CNTNAP2: variants seen among roughly 807,000 people sequenced by gnomAD.
CNTNAP2 encodes the protein contactin associated protein 2, also known as contactin-associated protein-like 2.
A neutral mutation model predicts 155.2 loss-of-function variants in CNTNAP2; 98 were observed. The observed-to-expected ratio is 0.63, with a 90% CI of 0.54 to 0.75. CNTNAP2 has a LOEUF of 0.75. Among genes scored for constraint, CNTNAP2 ranks in the 30% least tolerant of loss-of-function variants. The probability of loss-of-function intolerance (pLI) is 0.00; values close to 1 mark genes in which losing one functional copy is unlikely to be tolerated. For missense variants in CNTNAP2, 1,727 were observed against 1,688.1 expected (o/e 1.02, Z -0.40); for synonymous variants, 651 against 631.2 (o/e 1.03, Z -0.47).
At chr7:147,118,528 G>T (rs1200641767) in intron 5 of CNTNAP2, among the ~76,000 whole-genome samples, 1 of 152,266 alleles carries the variant, frequency 6.6e-6, no homozygotes, top group East Asian at 1.9e-4. Flanking sequence ...GCAGTCATGT[G>T]TCACTTTAAA....
chr7:146,391,750 TTTGTTGTTG>T (rs148790995), intron 1 of CNTNAP2, among the ~76,000 whole-genome samples: 14 of 116,766 alleles, frequency 1.2e-4, no homozygotes, highest in Non-Finnish European at 2.4e-4. Context: ...GAACACGGTT[TTTGTTGTTG>T]TTGTTGTTGT....
At chr7:147,359,881 C>T (rs1796118516) in intron 9 of CNTNAP2, among the ~76,000 whole-genome samples, 1 of 152,076 alleles carries the variant, frequency 6.6e-6, no homozygotes, top group Admixed American at 6.6e-5. Flanking sequence ...AAACTCTTAC[C>T]TCTCCTAATA....
At chr7:146,293,064 C>T (rs1800457343) in intron 1 of CNTNAP2, among the ~76,000 whole-genome samples, 2 of 151,982 alleles carry the variant, frequency 1.3e-5, no homozygotes, top group Non-Finnish European at 1.5e-5. Flanking sequence ...TTTAATTATT[C>T]AATATTGTAT....
intron 3 of CNTNAP2, among the ~76,000 whole-genome samples, chr7:146,882,487 T>C (rs1440091140): frequency 7.9e-5 from 12 of 152,002 alleles, no homozygotes; most frequent in Admixed American, 7.9e-4. Context: ...CGACATCTGA[T>C]GGTTTTATAA....
At chr7:146,466,836 C>A (rs1218296288) in intron 1 of CNTNAP2, among the ~76,000 whole-genome samples, 1 of 152,030 alleles carries the variant, frequency 6.6e-6, no homozygotes, top group Non-Finnish European at 1.5e-5. Context: ...CTAAAATATC[C>A]CTACTTAATA....
chr7:146,933,280 G>T (rs1796823699), intron 3 of CNTNAP2, among the ~76,000 whole-genome samples: 1 of 152,024 alleles, frequency 6.6e-6, no homozygotes, highest in Admixed American at 6.6e-5. Flanking sequence ...CAGAAATAAT[G>T]TCGCATATCT....
intron 10 of CNTNAP2, among the ~76,000 whole-genome samples, chr7:147,406,712 AG>A (rs572324812): frequency 1.2e-4 from 18 of 152,226 alleles, no homozygotes; most frequent in Non-Finnish European, 2.5e-4. Context: ...ATGTTACATG[AG>A]TAAGAAAGGA....
At chr7:146,248,151 G>A (rs998501870) in intron 1 of CNTNAP2, among the ~76,000 whole-genome samples, 19 of 151,770 alleles carry the variant, frequency 1.3e-4, no homozygotes, top group Non-Finnish European at 1.9e-4. Flanking sequence ...GGATCAGGGC[G>A]CAGAGATATA....
intron 13 of CNTNAP2, among the ~76,000 whole-genome samples, chr7:147,743,615 G>A (rs556930802): frequency 1.3e-5 from 2 of 152,114 alleles, no homozygotes; most frequent in Admixed American, 6.5e-5. Flanking sequence ...GCTTTATTCC[G>A]GTTGCCTTGA....
intron 3 of CNTNAP2, among the ~76,000 whole-genome samples, chr7:146,982,270 C>T (rs1015849085): frequency 2.0e-5 from 3 of 152,054 alleles, no homozygotes; most frequent in African/African-American, 7.2e-5. Flanking sequence ...TCTACATACT[C>T]ATTTAGGGTG....
chr7:146,661,264 C>CTA (rs1800082221), intron 1 of CNTNAP2, among the ~76,000 whole-genome samples: 1 of 152,062 alleles, frequency 6.6e-6, no homozygotes, highest in African/African-American at 2.4e-5. Context: ...TTTTAATCAT[C>CTA]TATACTTAAG....
At chr7:147,695,142 T>C (rs1014652117) in intron 13 of CNTNAP2, among the ~76,000 whole-genome samples, 2 of 152,218 alleles carry the variant, frequency 1.3e-5, no homozygotes, top group Non-Finnish European at 2.9e-5. Flanking sequence ...CCAAATATTT[T>C]GAAAATTTCC....
At chr7:147,088,035 G>GTGCA (rs1275437399) in intron 4 of CNTNAP2, among the ~76,000 whole-genome samples, 2 of 152,244 alleles carry the variant, frequency 1.3e-5, no homozygotes, top group Admixed American at 6.5e-5. Context: ...TTTGCCTGTA[G>GTGCA]TGCAACAGAA....
intron 12 of CNTNAP2, among the ~76,000 whole-genome samples, chr7:147,602,595 C>A (rs1031750664): frequency 4.6e-5 from 7 of 151,180 alleles, no homozygotes; most frequent in Admixed American, 3.9e-4. Context: ...CCCATTAACT[C>A]GTCATTTAAC....
chr7:147,320,793 G>A (rs1795337612), intron 9 of CNTNAP2, among the ~76,000 whole-genome samples: 1 of 152,178 alleles, frequency 6.6e-6, no homozygotes. Context: ...CTCTCGCAGA[G>A]GTCCCTATGA....
At chr7:146,633,687 G>T (rs1288959764) in intron 1 of CNTNAP2, among the ~76,000 whole-genome samples, 2 of 151,820 alleles carry the variant, frequency 1.3e-5, no homozygotes, top group African/African-American at 4.8e-5. Flanking sequence ...AAACTAGCCG[G>T]GCATGATGGT....
intron 14 of CNTNAP2, among the ~76,000 whole-genome samples, chr7:147,956,936 A>G (rs1318932995): frequency 1.3e-5 from 2 of 152,170 alleles, no homozygotes; most frequent in Non-Finnish European, 2.9e-5. Context: ...GACCCAGGTG[A>G]TATTCATGGT....
At chr7:147,193,810 G>A (rs776893507) in intron 8 of CNTNAP2, among the ~76,000 whole-genome samples, 1 of 152,136 alleles carries the variant, frequency 6.6e-6, no homozygotes, top group Non-Finnish European at 1.5e-5. Context: ...CCCTTCAAAG[G>A]AATCAGAATG....
chr7:147,725,983 T>C (rs77464246), intron 13 of CNTNAP2, among the ~76,000 whole-genome samples: 27,829 of 151,994 alleles, frequency 0.18, 3,017 homozygotes, highest in Middle Eastern at 0.39. Flanking sequence ...GTTTTCTTTT[T>C]AACAAGAAAA....
Sources: allele counts gnomAD v4.1 joint callset (sites outside exome capture counted in the v4.1 genomes callset), GRCh38; gene constraint gnomAD v4.1.1; transcripts MANE v1.5; gene names NCBI Gene and HGNC (gene_info 2026-07-23, HGNC 2026-07-21).